Variants in CLGN observed in about 807,000 individuals in gnomAD.
The protein encoded by CLGN is testis tissue sperm-binding protein Li 79P.
CLGN carries 62 observed loss-of-function variants against 79.1 expected under a neutral mutation model. The observed-to-expected ratio is 0.78, with a 90% confidence interval of 0.64 to 0.97. The LOEUF (loss-of-function observed/expected upper bound fraction) is 0.97, where lower values mean the gene tolerates loss of function less well. Among genes scored for constraint, CLGN ranks in the 50% least tolerant of loss-of-function variants. The pLI is 0.00. For synonymous variants in CLGN, 225 were observed against 224.7 expected, an observed-to-expected ratio of 1.00 and a Z score of -0.01; for missense variants, 647 against 715.5, an observed-to-expected ratio of 0.90 and a Z score of 1.09.
At chr4:140,415,239 C>CA (rs1729305327) in intron 1 of CLGN, among the ~76,000 whole-genome samples, 2 of 152,172 alleles carry the variant, frequency 1.3e-5, no homozygotes, top group Non-Finnish European at 2.9e-5. Context: ...CCAGCTGCTG[C>CA]AAAATCATGC....
chr4:140,405,215 C>T (rs1259490265), intron 5 of CLGN, among the ~76,000 whole-genome samples: 3 of 125,918 alleles, frequency 2.4e-5, no homozygotes, highest in East Asian at 2.2e-4. Flanking sequence ...GACGGAGTCT[C>T]GCTCTGTCGC....
intron 1 of CLGN, among the ~76,000 whole-genome samples, chr4:140,413,951 G>T (rs554171910): frequency 6.6e-6 from 1 of 152,230 alleles, no homozygotes; most frequent in Non-Finnish European, 1.5e-5. Context: ...AGACTTAAAC[G>T]TCCCTGTCTG....
At chr4:140,393,492 A>G (rs1728813982) in intron 11 of CLGN, among the ~76,000 whole-genome samples, 2 of 152,280 alleles carry the variant, frequency 1.3e-5, no homozygotes, top group African/African-American at 4.8e-5. Context: ...AGTAATATTT[A>G]GATTATCATT....
At chr4:140,417,357 T>G (rs572869059) in intron 1 of CLGN, among the ~76,000 whole-genome samples, 1 of 142,796 alleles carries the variant, frequency 7.0e-6, no homozygotes, top group East Asian at 2.0e-4. Context: ...CCAGGGCAAT[T>G]AGGCAGGAGA....
In CLGN at chr4:140,389,111, T is replaced by C; in HGVS notation, c.*113A>G. On this transcript the variant is annotated 3_prime_UTR_variant, in exon 15 of 15. Transcript: ENST00000325617. ...AAAATAAATGTCTGAAAGAATATAA[T>C]GTTGCTAGATATTAGAAACAGGATG... 1 of 768,138 alleles carries C rather than the reference T, an allele frequency of 1.3e-6. No homozygotes were observed. The allele number at this position is 768,138 out of a possible 1,614,324, so 47.6% of individuals were successfully genotyped here.
intron 13 of CLGN, among the ~76,000 whole-genome samples, chr4:140,391,925 C>T (rs1357539371): frequency 2.0e-5 from 3 of 151,776 alleles, no homozygotes; most frequent in Non-Finnish European, 4.4e-5. Flanking sequence ...TTCTACACTC[C>T]CAGAGCCAAG....
intron 1 of CLGN, among the ~76,000 whole-genome samples, chr4:140,424,317 CT>C (rs1458081093): frequency 1.3e-5 from 2 of 152,040 alleles, no homozygotes; most frequent in African/African-American, 2.4e-5. Context: ...GTGAATTTTT[CT>C]TGTTTTCCTT....
chr4:140,422,230 T>C (rs1729483787), intron 1 of CLGN, among the ~76,000 whole-genome samples: 1 of 152,204 alleles, frequency 6.6e-6, no homozygotes, highest in South Asian at 2.1e-4. Flanking sequence ...AAACTTATTC[T>C]TTCCCAAGAT....
At chr4:140,416,829 A>G (rs1198292359) in intron 1 of CLGN, among the ~76,000 whole-genome samples, 1 of 151,706 alleles carries the variant, frequency 6.6e-6, no homozygotes, top group Non-Finnish European at 1.5e-5. Context: ...AAAAAGAGGG[A>G]ATCCTCCCTA....
chr4:140,398,007 A>G (rs1351782047), intron 8 of CLGN, among the ~76,000 whole-genome samples: 2 of 152,234 alleles, frequency 1.3e-5, no homozygotes. Flanking sequence ...GAAAGATAGA[A>G]ATTTTAAACA....
chr4:140,421,872 G>A (rs1729476573), intron 1 of CLGN, among the ~76,000 whole-genome samples: 1 of 151,950 alleles, frequency 6.6e-6, no homozygotes, highest in Admixed American at 6.6e-5. Context: ...CAAATTCAAT[G>A]TCATGAAGCT....
chr4:140,389,043 G>A lies in CLGN; in HGVS notation c.*181C>T. The stretch of plus-strand genomic sequence containing the variant: ...ACTTTTATTCTAAATTCAAAGATGA[G>A]GTAACTTCAAAGTTGCTTCTTTTTC... On this transcript the variant is annotated 3_prime_UTR_variant, in exon 15 of 15. Transcript: ENST00000325617. 1.8e-6 allele frequency: 1 copy of A among 564,740 alleles called. No individual in the cohort carries two copies. Among genetic ancestry groups the A allele is most frequent in the Admixed American group, 3.1e-5 (1 of 32,212 alleles). 35.0% of individuals were successfully genotyped at this position (564,740 alleles called of 1,614,324 possible). A position where few individuals can be genotyped will look rare whatever the true frequency, so the allele number is the denominator to read the frequency against.
rs999997416 is a variant in CLGN at position 140,388,559 on chromosome 4, A to G, written c.*665T>C. On this transcript the variant is annotated 3_prime_UTR_variant, in exon 15 of 15. Coordinates refer to ENST00000325617, the MANE Select transcript of CLGN (RefSeq NM_004362.3). ...GGCATAAAGCAACTATAAAAACTTG[A>G]AAAAAAATCTGTACATCATTTTGTT... is the stretch of plus-strand genomic sequence containing the variant. 3 of 151,792 alleles carry G rather than the reference A, an allele frequency of 2.0e-5. No homozygotes were observed. Among genetic ancestry groups the G allele is most frequent in the Non-Finnish European group, 4.4e-5 (3 of 67,768 alleles). 9.4% of individuals were successfully genotyped at this position (151,792 alleles called of 1,614,324 possible).
rs1454924262 is a variant in CLGN at position 140,392,623 on chromosome 4, G to A, written c.1454C>T (p.Ala485Val). 6.2e-6 allele frequency: 10 copies of A among 1,608,252 alleles called. No homozygotes were observed. The highest frequency in any genetic ancestry group is 7.6e-6 in the Non-Finnish European group (9 of 1,178,186). The change falls in exon 12 of 15, where the codon GCA becomes GTA. Residue 485 changes from alanine to valine, a missense_variant. By Grantham distance (64) the Ala-to-Val change is moderately conservative. Coordinates refer to ENST00000325617, the MANE Select transcript of CLGN (RefSeq NM_004362.3). The stretch of plus-strand genomic sequence containing the variant: ...TGGCCAACAAAATGAAGTAATTAAT[G>A]CTATTGGCACTCCTGCTGTCACAAG... The part of the protein sequence containing the change: ...IYLVTAGVPI[A>V]LITSFCWPRK...
At chr4:140,390,081 CA>C (rs369771061) in intron 14 of CLGN, among the ~76,000 whole-genome samples, 57 of 148,210 alleles carry the variant, frequency 3.8e-4, no homozygotes, top group African/African-American at 1.2e-3. Flanking sequence ...TAATAACTTA[CA>C]AAAAAAAAGC....
At chr4:140,405,102 G>A (rs1729074710) in intron 5 of CLGN, among the ~76,000 whole-genome samples, 1 of 151,026 alleles carries the variant, frequency 6.6e-6, no homozygotes, top group South Asian at 2.1e-4. Flanking sequence ...CTTATCACTG[G>A]TTTAATAGCA....
At chr4:140,407,812 T>G (rs535339472) in intron 4 of CLGN, among the ~76,000 whole-genome samples, 60 of 152,096 alleles carry the variant, frequency 3.9e-4, no homozygotes, top group Admixed American at 2.7e-3. Context: ...AAAAACATTT[T>G]TCACAGAATT....
intron 1 of CLGN, among the ~76,000 whole-genome samples, chr4:140,424,494 C>G (rs1333908058): frequency 6.6e-6 from 1 of 152,086 alleles, no homozygotes; most frequent in Non-Finnish European, 1.5e-5. Flanking sequence ...TTGTTGGGTA[C>G]AGTGTTGTCC....
intron 1 of CLGN, among the ~76,000 whole-genome samples, chr4:140,413,910 A>G (rs1039225316): frequency 6.6e-6 from 1 of 152,260 alleles, no homozygotes; most frequent in Non-Finnish European, 1.5e-5. Context: ...GGCAGGGCAC[A>G]GACAAACAAA....
Sources: gnomAD v4.1 joint callset for allele counts (sites outside exome capture counted in the v4.1 genomes callset) on GRCh38, gnomAD v4.1.1 for gene constraint, MANE v1.5 for transcripts, NCBI Gene and HGNC (gene_info 2026-07-23, HGNC 2026-07-21) for gene names.